The following AGPAT3 variants were observed in gnomAD, a reference collection of about 807,000 sequenced individuals.
AGPAT3 encodes 1-acylglycerol-3-phosphate O-acyltransferase 3.
In AGPAT3, 5 loss-of-function variants were observed where a neutral mutation model predicts 47.3. The observed-to-expected ratio is 0.11, with a 90% confidence interval of 0.06 to 0.22. The LOEUF is 0.22. Ranked by LOEUF, AGPAT3 falls within the 10% of genes least tolerant of loss-of-function variation. The probability of loss-of-function intolerance (pLI) is 1.00; values close to 1 mark genes in which losing one functional copy is unlikely to be tolerated. For missense variants in AGPAT3, 315 were observed against 493.0 expected, an observed-to-expected ratio of 0.64 and a Z score of 3.42; for synonymous variants, 212 against 208.3, an observed-to-expected ratio of 1.02 and a Z score of -0.15.
intron 1 of AGPAT3, among the ~76,000 whole-genome samples, chr21:43,898,754 T>C (rs376319706): frequency 6.6e-6 from 1 of 152,368 alleles, no homozygotes. Context: ...CTTGAACTCC[T>C]GACCTCAGGT....
At chr21:43,941,747 G>A (rs1036085994) in intron 2 of AGPAT3, among the ~76,000 whole-genome samples, 30 of 152,384 alleles carry the variant, frequency 2.0e-4, no homozygotes, top group African/African-American at 6.5e-4. Flanking sequence ...CCCAGCGAGC[G>A]GGCGACTCTG....
At chr21:43,915,343 C>T (rs1433051779) in intron 2 of AGPAT3, among the ~76,000 whole-genome samples, 2 of 148,474 alleles carry the variant, frequency 1.3e-5, no homozygotes, top group African/African-American at 2.5e-5. Flanking sequence ...TGAGCCACTG[C>T]GCCTGCCCCC....
intron 2 of AGPAT3, among the ~76,000 whole-genome samples, chr21:43,957,842 G>A (rs2146582646): frequency 6.6e-6 from 1 of 152,380 alleles, no homozygotes; most frequent in South Asian, 2.1e-4. Context: ...CCTCCACACG[G>A]GGGTTGTAGG....
intron 1 of AGPAT3, chr21:43,867,450 C>A: frequency 6.6e-6 from 1 of 152,428 alleles, no homozygotes; most frequent in Non-Finnish European, 1.5e-5. Context: ...GAGGGGTGTC[C>A]TTAACTTGCC....
chr21:43,871,252 C>G (rs2085618462), intron 1 of AGPAT3, among the ~76,000 whole-genome samples: 1 of 152,062 alleles, frequency 6.6e-6, no homozygotes. Flanking sequence ...CAGATGAAAC[C>G]AAAAGAATCA....
intron 1 of AGPAT3, among the ~76,000 whole-genome samples, chr21:43,878,706 G>A (rs1352793256): frequency 1.3e-5 from 2 of 151,732 alleles, no homozygotes; most frequent in South Asian, 2.1e-4. Flanking sequence ...CACTGTTGTA[G>A]ATGTTTAATA....
intron 1 of AGPAT3, among the ~76,000 whole-genome samples, chr21:43,886,065 G>A (rs965484285): frequency 6.6e-6 from 1 of 152,212 alleles, no homozygotes; most frequent in Non-Finnish European, 1.5e-5. Flanking sequence ...CCTGCAAAGG[G>A]CACAGCTGGG....
At chr21:43,918,203 G>GGTTGTGGGTGTTGCGGCTGTTGTGGGT (rs1569063649) in intron 2 of AGPAT3, among the ~76,000 whole-genome samples, 1 of 139,762 alleles carries the variant, frequency 7.2e-6, no homozygotes, top group Non-Finnish European at 1.6e-5. Context: ...GGGTTGTGGA[G>GGTTGTGGGTGTTGCGGCTGTTGTGGGT]GTTGTGGGTG....
chr21:43,980,655 G>A (rs888885796), intron 8 of AGPAT3, among the ~76,000 whole-genome samples: 10 of 152,250 alleles, frequency 6.6e-5, no homozygotes, highest in Admixed American at 2.0e-4. Context: ...CCTCTGGCTC[G>A]TGGGAGGTGT....
In AGPAT3 at chr21:43,975,342, C is replaced by G. The variant is rs943625245; in HGVS notation, c.768-2704C>G. 3.2e-4 allele frequency among the ~76,000 whole-genome samples: 42 copies of G among 131,338 alleles called. No individual in the cohort carries two copies. The Admixed American group carries it at 3.3e-3, about 10-fold the overall frequency. The allele number at this position is 131,338 out of a possible 152,430, so 86.2% of individuals were successfully genotyped here. ...GGCGTGTGCTGGCGTGTGGTATGTT[C>G]TGGTGTGTGCTGGCATGTGTGTGGC... On this transcript the variant is annotated intron_variant, in intron 7 of 9. Transcript: ENST00000291572.
intron 2 of AGPAT3, among the ~76,000 whole-genome samples, chr21:43,910,354 G>A (rs757773469): frequency 4.6e-5 from 7 of 152,230 alleles, no homozygotes; most frequent in South Asian, 2.1e-4. Flanking sequence ...CTGTGGCCGC[G>A]CGTATTGCCA....
intron 1 of AGPAT3, among the ~76,000 whole-genome samples, chr21:43,901,320 TAA>T (rs34649071): frequency 0.64 from 82,227 of 128,404 alleles, 26,686 homozygotes; most frequent in Admixed American, 0.75. Context: ...GAAACTCTGT[TAA>T]AAAAAAAAAA....
At chr21:43,895,509 A>AT (rs10716158) in intron 1 of AGPAT3, among the ~76,000 whole-genome samples, 2,520 of 122,224 alleles carry the variant, frequency 0.021, 68 homozygotes, top group African/African-American at 0.067. Context: ...TAGTGACAGG[A>AT]TTTTTTTTTT....
intron 2 of AGPAT3, among the ~76,000 whole-genome samples, chr21:43,936,960 G>T (rs2087469471): frequency 6.6e-6 from 1 of 152,244 alleles, no homozygotes; most frequent in South Asian, 2.1e-4. Context: ...AGTAGGCTGT[G>T]GGTCCCTGGG....
intron 2 of AGPAT3, 41 bp from the exon 3 acceptor site, chr21:43,959,593 G>A: frequency 6.3e-7 from 1 of 1,578,574 alleles, no homozygotes; most frequent in South Asian, 1.1e-5. Context: ...GAGGGTGTGG[G>A]CGTGGCCACC....
At chr21:43,906,382 C>T (rs2086495297) in intron 2 of AGPAT3, among the ~76,000 whole-genome samples, 1 of 152,044 alleles carries the variant, frequency 6.6e-6, no homozygotes, top group Admixed American at 6.5e-5. Context: ...AAATGTTTGT[C>T]CATGACTTGC....
chr21:43,938,589 C>T (rs1051269612), intron 2 of AGPAT3, among the ~76,000 whole-genome samples: 13 of 152,098 alleles, frequency 8.5e-5, no homozygotes, highest in South Asian at 6.2e-4. Context: ...CCACCGTGCC[C>T]GGCCTGCAAA....
chr21:43,909,118 C>T (rs1024361480), intron 2 of AGPAT3, among the ~76,000 whole-genome samples: 3 of 152,188 alleles, frequency 2.0e-5, no homozygotes, highest in Non-Finnish European at 4.4e-5. Flanking sequence ...GGACTTCACT[C>T]TTCCAACTTC....
At chr21:43,924,277 G>C (rs570531090) in intron 2 of AGPAT3, among the ~76,000 whole-genome samples, 2 of 151,654 alleles carry the variant, frequency 1.3e-5, no homozygotes, top group African/African-American at 4.9e-5. Context: ...CGCCCGCCTC[G>C]GCCTCCCAAA....
Sources: gnomAD v4.1 joint callset for allele counts (sites outside exome capture counted in the v4.1 genomes callset) on GRCh38, gnomAD v4.1.1 for gene constraint, MANE v1.5 for transcripts, NCBI Gene and HGNC (gene_info 2026-07-23, HGNC 2026-07-21) for gene names.